SLC2A12: variants seen among roughly 807,000 people sequenced by gnomAD.
SLC2A12 encodes solute carrier family 2 member 12.
A neutral mutation model predicts 41.8 loss-of-function variants in SLC2A12; 23 were observed. The observed-to-expected ratio is 0.55, with a 90% CI of 0.40 to 0.78. The LOEUF is 0.78. Ranked by LOEUF, SLC2A12 falls within the 30% of genes least tolerant of loss-of-function variation. The probability of loss-of-function intolerance (pLI) is 0.00; values close to 1 mark genes in which losing one functional copy is unlikely to be tolerated. For synonymous variants in SLC2A12, 295 were observed against 285.9 expected (o/e 1.03, Z -0.32); for missense variants, 654 against 745.6 (o/e 0.88, Z 1.43).
intron 3 of SLC2A12, among the ~76,000 whole-genome samples, chr6:134,005,011 A>T (rs775895765): frequency 5.9e-5 from 9 of 152,234 alleles, no homozygotes; most frequent in Non-Finnish European, 1.2e-4. Flanking sequence ...GTTTTTAAAA[A>T]AATAAATTTA....
At chr6:134,040,681 A>G (rs1777370963) in intron 1 of SLC2A12, among the ~76,000 whole-genome samples, 1 of 152,250 alleles carries the variant, frequency 6.6e-6, no homozygotes, top group African/African-American at 2.4e-5. Flanking sequence ...GGCTTGGGAC[A>G]AGGATTTATC....
chr6:134,025,044 G>T (rs1777095935), intron 2 of SLC2A12, among the ~76,000 whole-genome samples: 1 of 152,112 alleles, frequency 6.6e-6, no homozygotes, highest in African/African-American at 2.4e-5. Flanking sequence ...AAAAGTACAT[G>T]TTCACTTACT....
chr6:134,012,809 A>T (rs541106771), intron 2 of SLC2A12, among the ~76,000 whole-genome samples: 1 of 152,148 alleles, frequency 6.6e-6, no homozygotes, highest in East Asian at 1.9e-4. Context: ...CTCTACAAAA[A>T]ATTTTTAAAA....
intron 1 of SLC2A12, among the ~76,000 whole-genome samples, chr6:134,032,721 C>T (rs1220099791): frequency 7.5e-6 from 1 of 133,428 alleles, no homozygotes; most frequent in East Asian, 2.1e-4. Context: ...CTGTATAAGG[C>T]TAGTCCTTAA....
chr6:133,994,523 C>G (rs560481807), intron 4 of SLC2A12, among the ~76,000 whole-genome samples: 26 of 152,050 alleles, frequency 1.7e-4, no homozygotes, highest in African/African-American at 6.0e-4. Flanking sequence ...GTCAGGAGAT[C>G]GAGACCATCC....
chr6:134,031,911 T>G (rs1307303834), intron 1 of SLC2A12, among the ~76,000 whole-genome samples: 1 of 152,096 alleles, frequency 6.6e-6, no homozygotes, highest in Admixed American at 6.6e-5. Context: ...AAAAGCATGA[T>G]CAAGACTGGG....
chr6:134,014,075 C>T (rs371244306), intron 2 of SLC2A12, among the ~76,000 whole-genome samples: 11 of 152,058 alleles, frequency 7.2e-5, no homozygotes, highest in African/African-American at 2.4e-4. Context: ...AGCAGTGGTC[C>T]CCAACCTTTT....
At chr6:134,048,149 A>G (rs1371095256) in intron 1 of SLC2A12, among the ~76,000 whole-genome samples, 1 of 152,210 alleles carries the variant, frequency 6.6e-6, no homozygotes, top group African/African-American at 2.4e-5. Context: ...AAAGCCTCAA[A>G]TCTAGACTTT....
At chr6:134,045,606 T>G (rs1026141755) in intron 1 of SLC2A12, among the ~76,000 whole-genome samples, 3 of 152,218 alleles carry the variant, frequency 2.0e-5, no homozygotes, top group Admixed American at 1.3e-4. Context: ...GAAGAGACCC[T>G]GGTACCTGGT....
At chr6:134,006,255 A>G (rs1187818395) in intron 3 of SLC2A12, among the ~76,000 whole-genome samples, 1 of 151,648 alleles carries the variant, frequency 6.6e-6, no homozygotes, top group Non-Finnish European at 1.5e-5. Flanking sequence ...CAAAATTCAG[A>G]CTGGAAAATT....
chr6:134,047,450 A>G (rs1428566879), intron 1 of SLC2A12, among the ~76,000 whole-genome samples: 1 of 152,152 alleles, frequency 6.6e-6, no homozygotes, highest in African/African-American at 2.4e-5. Context: ...AAAATCCTAC[A>G]TACCTACAGC....
chr6:134,037,368 G>GTT (rs1275605887), intron 1 of SLC2A12, among the ~76,000 whole-genome samples: 1 of 118,426 alleles, frequency 8.4e-6, no homozygotes, highest in Non-Finnish European at 1.8e-5. Context: ...TTTTGTTTTT[G>GTT]TTTTTTTTTT....
intron 1 of SLC2A12, among the ~76,000 whole-genome samples, chr6:134,041,274 T>C (rs1299049511): frequency 6.6e-6 from 1 of 152,122 alleles, no homozygotes; most frequent in Non-Finnish European, 1.5e-5. Flanking sequence ...GTCTTGCCTA[T>C]CCAGCCCAGA....
At chr6:134,052,276 C>CGGG in intron 1 of SLC2A12, 102 bp downstream of exon 1, 3 of 914,818 alleles carry the variant, frequency 3.3e-6, no homozygotes, top group Admixed American at 4.3e-5. Flanking sequence ...CACACACACA[C>CGGG]ACACACACAC....
chr6:134,024,690 A>G (rs957540874), intron 2 of SLC2A12, among the ~76,000 whole-genome samples: 2 of 152,232 alleles, frequency 1.3e-5, no homozygotes, highest in East Asian at 1.9e-4. Context: ...TTTTAAATGC[A>G]TCTTAATATG....
chr6:134,011,876 TACTA>T (rs1222119639), intron 2 of SLC2A12, among the ~76,000 whole-genome samples: 2 of 152,068 alleles, frequency 1.3e-5, no homozygotes, highest in African/African-American at 4.8e-5. Context: ...ACCTCATCTC[TACTA>T]AAAATACAAA....
At chr6:133,995,122 A>T (rs1418980170) in intron 4 of SLC2A12, among the ~76,000 whole-genome samples, 3 of 152,326 alleles carry the variant, frequency 2.0e-5, no homozygotes, top group South Asian at 2.1e-4. Flanking sequence ...AATATAGACA[A>T]CGCTTTAGAA....
At chr6:134,027,687 T>TAA (rs1777133652) in intron 2 of SLC2A12, among the ~76,000 whole-genome samples, 1 of 152,200 alleles carries the variant, frequency 6.6e-6, no homozygotes, top group African/African-American at 2.4e-5. Flanking sequence ...CAGCCTATTC[T>TAA]AGTAAATCCA....
At chr6:134,047,659 T>C (rs1268285754) in intron 1 of SLC2A12, among the ~76,000 whole-genome samples, 1 of 152,204 alleles carries the variant, frequency 6.6e-6, no homozygotes, top group African/African-American at 2.4e-5. Context: ...ATTCAGGTCC[T>C]ATCAGCTACC....
Sources: allele counts gnomAD v4.1 joint callset (sites outside exome capture counted in the v4.1 genomes callset), GRCh38; gene constraint gnomAD v4.1.1; transcripts MANE v1.5; gene names NCBI Gene and HGNC (gene_info 2026-07-23, HGNC 2026-07-21).